EPB41L4A: variants seen among roughly 807,000 people sequenced by gnomAD.
EPB41L4A encodes the protein erythrocyte membrane protein band 4.1 like 4A, also known as band 4.1-like protein 4A.
A neutral mutation model predicts 108.6 loss-of-function variants in EPB41L4A; 100 were observed. That is an observed-to-expected ratio of 0.92 (90% CI 0.78 to 1.09). The LOEUF (loss-of-function observed/expected upper bound fraction) is 1.09, where lower values mean the gene tolerates loss of function less well. Ranked by LOEUF, EPB41L4A falls within the 50% of genes least tolerant of loss-of-function variation. The pLI is 0.00. For synonymous variants in EPB41L4A, 319 were observed against 289.0 expected (o/e 1.10, Z -1.05); for missense variants, 1,030 against 842.7 (o/e 1.22, Z -2.75).
chr5:112,266,219 T>TA lies in EPB41L4A; in HGVS notation c.433+13dup. ...CAGACATTTCTGAGGCAAATATGCT[T>TA]AAGTGGCACCTACACTGGATGGCAT... On this transcript the variant is annotated intron_variant, in intron 5 of 22. Transcript: ENST00000261486. 6.4e-7 allele frequency: 1 copy of TA among 1,570,720 alleles called. No homozygotes were observed. Among genetic ancestry groups the TA allele is most frequent in the Non-Finnish European group, 8.6e-7 (1 of 1,159,054 alleles).
chr5:112,325,210 G>C (rs918363014), intron 1 of EPB41L4A, among the ~76,000 whole-genome samples: 2 of 152,214 alleles, frequency 1.3e-5, no homozygotes, highest in Non-Finnish European at 2.9e-5. Context: ...GGGAAGCTGA[G>C]GCGGGCAGAT....
At chr5:112,144,435 G>A (rs1240164657) in intron 13 of EPB41L4A, among the ~76,000 whole-genome samples, 1 of 152,160 alleles carries the variant, frequency 6.6e-6, no homozygotes, top group African/African-American at 2.4e-5. Flanking sequence ...ACAGGTGTGT[G>A]CCACCACACT....
At chr5:112,145,418 C>T (rs913700016) in intron 13 of EPB41L4A, among the ~76,000 whole-genome samples, 1 of 152,128 alleles carries the variant, frequency 6.6e-6, no homozygotes, top group Admixed American at 6.5e-5. Context: ...TAAATGAATG[C>T]TATTTGAGAT....
At chr5:112,296,678 G>A (rs917869970) in intron 2 of EPB41L4A, among the ~76,000 whole-genome samples, 9 of 152,076 alleles carry the variant, frequency 5.9e-5, no homozygotes, top group South Asian at 2.1e-4. Context: ...CTTTAATGGT[G>A]ATTTGTGAGA....
At chr5:112,235,832 T>G (rs1313878882) in intron 11 of EPB41L4A, among the ~76,000 whole-genome samples, 1 of 152,182 alleles carries the variant, frequency 6.6e-6, no homozygotes, top group Non-Finnish European at 1.5e-5. Flanking sequence ...CATCCATGAT[T>G]GTTCTTCATG....
chr5:112,205,052 T>C (rs886454832), intron 14 of EPB41L4A, among the ~76,000 whole-genome samples: 11 of 152,230 alleles, frequency 7.2e-5, no homozygotes, highest in Non-Finnish European at 1.3e-4. Flanking sequence ...ATAAAGGTCT[T>C]CCAGCATAAC....
At chr5:112,151,870 A>G (rs1181073868) in intron 12 of EPB41L4A, among the ~76,000 whole-genome samples, 2 of 152,126 alleles carry the variant, frequency 1.3e-5, no homozygotes, top group Non-Finnish European at 2.9e-5. Context: ...AGCTGGGATT[A>G]CAGGCACATG....
At chr5:112,313,298 A>G (rs1275456704) in intron 1 of EPB41L4A, among the ~76,000 whole-genome samples, 3 of 152,238 alleles carry the variant, frequency 2.0e-5, no homozygotes, top group Admixed American at 6.5e-5. Context: ...TATCATCAAA[A>G]GTCCTTTTGT....
chr5:112,234,900 T>A (rs1292441397), intron 11 of EPB41L4A, 145 bp from the exon 12 acceptor site: 1 of 845,026 alleles, frequency 1.2e-6, no homozygotes, highest in Non-Finnish European at 1.8e-6. Flanking sequence ...CATTGCAATA[T>A]TGATCAAGGG....
chr5:112,242,900 T>C (rs181504848), intron 9 of EPB41L4A, among the ~76,000 whole-genome samples: 1 of 152,180 alleles, frequency 6.6e-6, no homozygotes. Context: ...GCAGTAGATA[T>C]CAACATTGGG....
intron 9 of EPB41L4A, among the ~76,000 whole-genome samples, chr5:112,257,918 G>A (rs1200274824): frequency 2.0e-5 from 3 of 152,188 alleles, no homozygotes; most frequent in Non-Finnish European, 4.4e-5. Flanking sequence ...CTTTTTGCAT[G>A]ATTTTAATTC....
At chr5:112,259,789 C>T (rs1663157861) in intron 8 of EPB41L4A, 102 bp downstream of exon 8, 2 of 819,644 alleles carry the variant, frequency 2.4e-6, no homozygotes, top group Non-Finnish European at 4.2e-6. Context: ...TTATCACCCA[C>T]TGGAAATATA....
chr5:112,279,064 CAAAAAAA>C (rs60463391), intron 3 of EPB41L4A, among the ~76,000 whole-genome samples: 20 of 76,890 alleles, frequency 2.6e-4, no homozygotes, highest in African/African-American at 4.8e-4. Flanking sequence ...GATACCGTCT[CAAAAAAA>C]AAAAAAAAAA....
In EPB41L4A at chr5:112,149,011, T is replaced by C. The variant is rs180979541; in HGVS notation, n.995-3013A>G. 2.4e-3 allele frequency among the ~76,000 whole-genome samples: 366 copies of C among 152,352 alleles called. 4 individuals carry two copies. Among genetic ancestry groups the C allele is most frequent in the Admixed American group, 0.024 (364 of 15,302 alleles). On this transcript the variant is annotated intron_variant and non_coding_transcript_variant, in intron 12 of 13. Transcript: ENST00000507810. ...TCAGAATATTTCATATCTAGTATTT[T>C]AAAAGGAGTTAATACTCCTTCACTA...
chr5:112,414,293 G>A (rs184400619), intron 1 of EPB41L4A, among the ~76,000 whole-genome samples: 51 of 152,166 alleles, frequency 3.4e-4, no homozygotes, highest in Admixed American at 9.2e-4. Context: ...AAAAATAGAA[G>A]GCATCTAAAA....
intron 1 of EPB41L4A, among the ~76,000 whole-genome samples, chr5:112,338,764 AAGC>A (rs1248577261): frequency 6.6e-6 from 1 of 152,218 alleles, no homozygotes; most frequent in East Asian, 1.9e-4. Context: ...GTCACTGCCT[AAGC>A]ATTTATTAGA....
intron 3 of EPB41L4A, among the ~76,000 whole-genome samples, chr5:112,279,104 CT>C (rs1652379889): frequency 7.0e-6 from 1 of 142,314 alleles, no homozygotes; most frequent in Non-Finnish European, 1.5e-5. Context: ...TGAAATTTTT[CT>C]GGTTTTCCAA....
intron 1 of EPB41L4A, among the ~76,000 whole-genome samples, chr5:112,380,155 A>G (rs538902834): frequency 3.2e-4 from 49 of 152,244 alleles, no homozygotes; most frequent in African/African-American, 1.1e-3. Flanking sequence ...ACCACACAGG[A>G]GCAGTCAGAG....
intron 9 of EPB41L4A, among the ~76,000 whole-genome samples, chr5:112,244,767 T>C (rs1750087145): frequency 6.6e-6 from 1 of 152,170 alleles, no homozygotes; most frequent in South Asian, 2.1e-4. Flanking sequence ...GTCTAGTCCT[T>C]AGTTCCTGCT....
Sources: gnomAD v4.1 joint callset for allele counts (sites outside exome capture counted in the v4.1 genomes callset) on GRCh38, gnomAD v4.1.1 for gene constraint, MANE v1.5 for transcripts, NCBI Gene and HGNC (gene_info 2026-07-23, HGNC 2026-07-21) for gene names.